LIN54: variants seen among roughly 807,000 people sequenced by gnomAD.
LIN54 encodes lin-54 DREAM MuvB core complex component.
In LIN54, 9 loss-of-function variants were observed where a neutral mutation model predicts 78.7. That is an observed-to-expected ratio of 0.11 (90% CI 0.07 to 0.20). LIN54 has a LOEUF of 0.20. Among genes scored for constraint, LIN54 ranks in the 10% least tolerant of loss-of-function variants. The probability of loss-of-function intolerance (pLI) is 1.00; values close to 1 mark genes in which losing one functional copy is unlikely to be tolerated. For missense variants in LIN54, 573 were observed against 889.9 expected, an observed-to-expected ratio of 0.64 and a Z score of 4.53; for synonymous variants, 269 against 318.4, an observed-to-expected ratio of 0.84 and a Z score of 1.65.
At chr4:82,938,730 A>T (rs1467633418) in intron 7 of LIN54, among the ~76,000 whole-genome samples, 1 of 152,222 alleles carries the variant, frequency 6.6e-6, no homozygotes, top group Non-Finnish European at 1.5e-5. Flanking sequence ...AAATATAAAG[A>T]AAGTATTTCA....
chr4:83,009,259 G>A (rs1224504475), intron 1 of LIN54, among the ~76,000 whole-genome samples: 1 of 152,114 alleles, frequency 6.6e-6, no homozygotes, highest in East Asian at 1.9e-4. Flanking sequence ...GGCACAGTGT[G>A]TTACATATAC....
chr4:82,933,415 C>T (rs1392808887), intron 11 of LIN54, among the ~76,000 whole-genome samples: 1 of 150,208 alleles, frequency 6.7e-6, no homozygotes, highest in Non-Finnish European at 1.5e-5. Context: ...GGAAAATGGT[C>T]ACAAGAAAAG....
intron 3 of LIN54, among the ~76,000 whole-genome samples, chr4:82,972,720 C>A (rs371565352): frequency 1.4e-4 from 22 of 152,254 alleles, no homozygotes; most frequent in Admixed American, 9.8e-4. Flanking sequence ...CAGTGGCTCA[C>A]GCCTGTAATC....
intron 1 of LIN54, among the ~76,000 whole-genome samples, chr4:82,987,669 T>G (rs1169217386): frequency 1.3e-5 from 2 of 152,244 alleles, no homozygotes; most frequent in Non-Finnish European, 2.9e-5. Context: ...CTGAGAATGA[T>G]GGCTTCCAGT....
At chr4:82,963,180 C>T (rs1240165261) in intron 4 of LIN54, among the ~76,000 whole-genome samples, 1 of 151,968 alleles carries the variant, frequency 6.6e-6, no homozygotes, top group East Asian at 1.9e-4. Context: ...ACAATGCAAT[C>T]CAGAAGGCAA....
chr4:82,975,586 C>G (rs756100077), intron 3 of LIN54, among the ~76,000 whole-genome samples: 6 of 151,696 alleles, frequency 4.0e-5, no homozygotes, highest in Non-Finnish European at 5.9e-5. Context: ...GTGGCAGGCA[C>G]CTGTAATCCC....
chr4:83,012,104 T>C, upstream of LIN54: 1 of 842,850 alleles, frequency 1.2e-6, no homozygotes, highest in Non-Finnish European at 1.4e-6. Flanking sequence ...TTGCTGTTTT[T>C]ATATGCAGAC....
intron 1 of LIN54, among the ~76,000 whole-genome samples, chr4:82,998,036 A>G (rs1161910388): frequency 1.8e-5 from 1 of 55,372 alleles, no homozygotes; most frequent in Non-Finnish European, 3.5e-5. Flanking sequence ...ATATATATAT[A>G]TACACACACG....
intron 3 of LIN54, among the ~76,000 whole-genome samples, chr4:82,974,301 A>G (rs1247192476): frequency 6.6e-6 from 1 of 152,168 alleles, no homozygotes; most frequent in Non-Finnish European, 1.5e-5. Flanking sequence ...AGAGTGAGAG[A>G]AACAAGATAA....
intron 1 of LIN54, among the ~76,000 whole-genome samples, chr4:82,992,754 C>T (rs992769739): frequency 9.2e-5 from 14 of 152,104 alleles, no homozygotes; most frequent in Non-Finnish European, 1.8e-4. Context: ...CCCGGCCAGG[C>T]GTGGTGGCTC....
At chr4:82,992,587 C>T (rs2126096545) in intron 1 of LIN54, among the ~76,000 whole-genome samples, 1 of 152,252 alleles carries the variant, frequency 6.6e-6, no homozygotes, top group South Asian at 2.1e-4. Context: ...GACTTGGAGG[C>T]TGTAGCAAGC....
In LIN54 at chr4:82,984,167, T is replaced by A. The variant is rs760495826; in HGVS notation, c.678A>T (p.Thr226=). The A allele has an allele frequency of 6.3e-7, 1 of 1,597,814 alleles. No individual in the cohort carries two copies. Among genetic ancestry groups the A allele is most frequent in the South Asian group, 1.1e-5 (1 of 88,394 alleles). The change falls in exon 2 of 13, where the codon ACA becomes ACT. Residue 226 remains threonine (T), a synonymous_variant. Transcript: ENST00000340417. The part of the protein sequence containing the change: ...PSVLQTQQLK[T]VQIAKKPRTP... Reference sequence around the variant, plus strand: ...GCCCCCTTTTTTCTTTTACCTGTACTGTTTTTAACTGTTGGGTCTGTAACA... The same window carrying A: ...GCCCCCTTTTTTCTTTTACCTGTACAGTTTTTAACTGTTGGGTCTGTAACA...
rs754998968 is a variant in LIN54, at chr4:82,931,152, G to T, written c.1846-7C>A. On this transcript the variant is annotated splice_region_variant and splice_polypyrimidine_tract_variant and intron_variant, in intron 11 of 12. Transcript: ENST00000340417. Reference sequence around the variant, plus strand: ...AGGAACACATTATTTTTGCCTAAAAGATTTACATAAGAAAAGTTTCCAAAT... The same window carrying T: ...AGGAACACATTATTTTTGCCTAAAATATTTACATAAGAAAAGTTTCCAAAT... 7 of 1,612,384 alleles carry T rather than the reference G, an allele frequency of 4.3e-6. No homozygotes were observed. The highest frequency in any genetic ancestry group is 5.1e-6 in the Non-Finnish European group (6 of 1,178,818).
chr4:82,940,012 A>G (rs1194955201), intron 5 of LIN54, 50 bp from the exon 6 acceptor site: 6 of 1,277,138 alleles, frequency 4.7e-6, no homozygotes, highest in Middle Eastern at 3.8e-4. Context: ...AGAAAATAGT[A>G]TTTAAAACAC....
intron 5 of LIN54, among the ~76,000 whole-genome samples, chr4:82,940,336 T>C (rs1410504564): frequency 6.6e-6 from 1 of 151,750 alleles, no homozygotes; most frequent in Non-Finnish European, 1.5e-5. Context: ...CAGCACTCTA[T>C]ACTACTATTT....
At chr4:82,938,874 T>C (rs1722613012) in intron 7 of LIN54, among the ~76,000 whole-genome samples, 1 of 152,254 alleles carries the variant, frequency 6.6e-6, no homozygotes, top group Non-Finnish European at 1.5e-5. Flanking sequence ...TGATCATTTA[T>C]CACACTACAA....
At chr4:82,963,106 A>G (rs1221199560) in intron 4 of LIN54, among the ~76,000 whole-genome samples, 2 of 151,430 alleles carry the variant, frequency 1.3e-5, no homozygotes, top group East Asian at 1.9e-4. Context: ...TGAAAACAGG[A>G]AAAAAAAAGA....
At chr4:82,930,816 G>A (rs1300343741) in intron 12 of LIN54, 127 bp downstream of exon 12, 2 of 775,540 alleles carry the variant, frequency 2.6e-6, no homozygotes, top group Non-Finnish European at 4.2e-6. Context: ...AGTAACTAAA[G>A]ATGGAAAGAA....
intron 4 of LIN54, among the ~76,000 whole-genome samples, chr4:82,950,135 G>A (rs1723742164): frequency 6.6e-6 from 1 of 152,134 alleles, no homozygotes; most frequent in Admixed American, 6.6e-5. Context: ...ACAGTGCCCA[G>A]CCAGCACAAA....
Sources: gnomAD v4.1 joint callset for allele counts (sites outside exome capture counted in the v4.1 genomes callset) on GRCh38, gnomAD v4.1.1 for gene constraint, MANE v1.5 for transcripts, NCBI Gene and HGNC (gene_info 2026-07-23, HGNC 2026-07-21) for gene names.